The following SPIDR variants were observed in gnomAD, a reference collection of about 807,000 sequenced individuals.
SPIDR encodes the protein scaffold protein involved in DNA repair, also known as DNA repair-scaffolding protein.
Under a neutral mutation model 104.6 loss-of-function variants are expected in SPIDR, and 93 were observed. The observed-to-expected ratio is 0.89, with a 90% confidence interval of 0.75 to 1.06. The LOEUF (loss-of-function observed/expected upper bound fraction) is 1.06. SPIDR is among the 50% of genes least tolerant of loss of function. SPIDR has a pLI of 0.00. For missense variants in SPIDR, 1,154 were observed against 1,111.2 expected (o/e 1.04, Z -0.55); for synonymous variants, 431 against 416.9 (o/e 1.03, Z -0.41).
chr8:47,547,791 G>A (rs1022892246), intron 8 of SPIDR: 104 of 174,398 alleles, frequency 6.0e-4, no homozygotes, highest in Non-Finnish European at 5.4e-5. Flanking sequence ...TTAGGAAAAT[G>A]ATGACGGGGA....
intron 8 of SPIDR, among the ~76,000 whole-genome samples, chr8:47,535,415 A>G (rs775861871): frequency 6.6e-6 from 1 of 152,002 alleles, no homozygotes; most frequent in Non-Finnish European, 1.5e-5. Flanking sequence ...AACTAATTCT[A>G]TGAGACCAGT....
At chr8:47,568,514 A>G (rs1210787546) in intron 8 of SPIDR, among the ~76,000 whole-genome samples, 1 of 152,214 alleles carries the variant, frequency 6.6e-6, no homozygotes, top group African/African-American at 2.4e-5. Flanking sequence ...TGTAGCATCC[A>G]GGGGCAAAGT....
intron 10 of SPIDR, among the ~76,000 whole-genome samples, chr8:47,670,800 C>CTGTCCTGTGTTTAT (rs1206605535): frequency 6.6e-6 from 1 of 152,128 alleles, no homozygotes; most frequent in Non-Finnish European, 1.5e-5. Context: ...TGTTGTTATT[C>CTGTCCTGTGTTTAT]TGTCCTGTGT....
At chr8:47,678,546 A>C (rs1383426651) in intron 11 of SPIDR, among the ~76,000 whole-genome samples, 1 of 152,168 alleles carries the variant, frequency 6.6e-6, no homozygotes, top group East Asian at 1.9e-4. Context: ...GTGATGCAGC[A>C]CCACCTAGCA....
chr8:47,348,416 A>G (rs187182822), intron 5 of SPIDR, among the ~76,000 whole-genome samples: 112 of 152,218 alleles, frequency 7.4e-4, no homozygotes, highest in Non-Finnish European at 1.0e-4. Context: ...GAATCTGACA[A>G]TTATGTGTCT....
At chr8:47,306,325 G>A (rs1290975911) in intron 5 of SPIDR, among the ~76,000 whole-genome samples, 2 of 152,038 alleles carry the variant, frequency 1.3e-5, no homozygotes, top group African/African-American at 2.4e-5. Flanking sequence ...ATTTTTACTA[G>A]AGACAGGGCT....
chr8:47,368,638 T>C (rs2057575213), intron 5 of SPIDR, among the ~76,000 whole-genome samples: 1 of 152,168 alleles, frequency 6.6e-6, no homozygotes, highest in South Asian at 2.1e-4. Context: ...GACTAACCTA[T>C]GGAAAAGAAG....
At chr8:47,404,247 C>T (rs1406274531) in intron 6 of SPIDR, among the ~76,000 whole-genome samples, 1 of 152,166 alleles carries the variant, frequency 6.6e-6, no homozygotes, top group South Asian at 2.1e-4. Context: ...CTTAAAAACC[C>T]TAGAAGAAAA....
intron 7 of SPIDR, among the ~76,000 whole-genome samples, chr8:47,414,533 A>G (rs2063960606): frequency 6.6e-6 from 1 of 152,164 alleles, no homozygotes; most frequent in Non-Finnish European, 1.5e-5. Context: ...TGTCGATTAT[A>G]ATGATTTAGC....
intron 5 of SPIDR, among the ~76,000 whole-genome samples, chr8:47,347,374 GT>G (rs2052349807): frequency 6.6e-6 from 1 of 152,194 alleles, no homozygotes; most frequent in Non-Finnish European, 1.5e-5. Flanking sequence ...CGACTATGTG[GT>G]GAATTTTGGA....
intron 17 of SPIDR, among the ~76,000 whole-genome samples, chr8:47,728,319 C>T (rs1316040288): frequency 2.6e-5 from 4 of 151,774 alleles, no homozygotes; most frequent in Admixed American, 2.6e-4. Context: ...CCTGTAGTCC[C>T]AGCTACTCCA....
chr8:47,523,580 T>C (rs934851559), intron 8 of SPIDR, among the ~76,000 whole-genome samples: 1 of 152,222 alleles, frequency 6.6e-6, no homozygotes, highest in Non-Finnish European at 1.5e-5. Context: ...ACAGCAGCTC[T>C]GCTTTATCTT....
chr8:47,492,361 G>A (rs141644354), intron 8 of SPIDR, among the ~76,000 whole-genome samples: 1 of 151,898 alleles, frequency 6.6e-6, no homozygotes, highest in South Asian at 2.1e-4. Flanking sequence ...TTTCCTCTAC[G>A]GAGGGGTTGG....
chr8:47,286,284 C>T (rs2038834776), intron 3 of SPIDR, among the ~76,000 whole-genome samples: 2 of 152,128 alleles, frequency 1.3e-5, no homozygotes, highest in South Asian at 4.1e-4. Context: ...GTCTCAGGCA[C>T]CACAGCTGCT....
intron 8 of SPIDR, among the ~76,000 whole-genome samples, chr8:47,488,965 C>G (rs1379744883): frequency 1.5e-4 from 23 of 152,254 alleles, no homozygotes; most frequent in Non-Finnish European, 2.9e-4. Flanking sequence ...CCTCTCTCAC[C>G]ACTCCTATTC....
At position 47,575,870 on chromosome 8, in the gene SPIDR, G is replaced by A. The variant is rs368892747; in HGVS notation, c.1098-19941G>A. The stretch of plus-strand genomic sequence containing the variant: ...AGCTACTTAGGAGGCTGAGGCAGGA[G>A]AATCACTTGAACCTGGCAGGCGGAG... On this transcript the variant is annotated intron_variant, in intron 8 of 19. Coordinates refer to ENST00000297423, the MANE Select transcript of SPIDR (RefSeq NM_001080394.4). 2.9e-4 allele frequency among the ~76,000 whole-genome samples: 44 copies of A among 149,422 alleles called. No individual in the cohort carries two copies. In the East Asian group the frequency reaches 6.7e-3, roughly 23 times the overall value.
At chr8:47,603,548 A>G (rs2062563505) in intron 10 of SPIDR, among the ~76,000 whole-genome samples, 2 of 148,072 alleles carry the variant, frequency 1.4e-5, no homozygotes, top group Admixed American at 6.8e-5. Flanking sequence ...ACGTGCCACC[A>G]TACCCAGCTA....
chr8:47,507,518 G>T (rs1043928754), intron 8 of SPIDR, among the ~76,000 whole-genome samples: 1 of 152,262 alleles, frequency 6.6e-6, no homozygotes, highest in African/African-American at 2.4e-5. Flanking sequence ...TGGTCATGCA[G>T]ACTTTCCCAT....
chr8:47,496,618 A>T (rs2079482067), intron 8 of SPIDR, among the ~76,000 whole-genome samples: 1 of 151,502 alleles, frequency 6.6e-6, no homozygotes, highest in Non-Finnish European at 1.5e-5. Context: ...GAGTTTTTGC[A>T]TATATACTCA....
Sources: allele counts gnomAD v4.1 joint callset (sites outside exome capture counted in the v4.1 genomes callset), GRCh38; gene constraint gnomAD v4.1.1; transcripts MANE v1.5; gene names NCBI Gene and HGNC (gene_info 2026-07-23, HGNC 2026-07-21).